The following PRKN variants were observed in gnomAD, a reference collection of about 807,000 sequenced individuals.
PRKN encodes the protein parkin RBR E3 ubiquitin protein ligase.
In PRKN, 56 loss-of-function variants were observed where a neutral mutation model predicts 59.5. The ratio of observed to expected loss-of-function variants is 0.94; its 90% CI spans 0.76 to 1.18. The LOEUF (loss-of-function observed/expected upper bound fraction) is 1.18. PRKN is among the 50% of genes most tolerant of loss of function. The pLI is 0.00. For missense variants in PRKN, 657 were observed against 596.4 expected (o/e 1.10, Z -1.06); for synonymous variants, 250 against 222.1 (o/e 1.13, Z -1.12).
chr6:162,652,536 T>C (rs1235674945), intron 1 of PRKN, among the ~76,000 whole-genome samples: 1 of 152,194 alleles, frequency 6.6e-6, no homozygotes, highest in African/African-American at 2.4e-5. Context: ...AGTTTAAATA[T>C]ACCTGAAGTC....
chr6:161,761,908 C>T (rs895872043), intron 7 of PRKN, among the ~76,000 whole-genome samples: 1 of 152,128 alleles, frequency 6.6e-6, no homozygotes, highest in Non-Finnish European at 1.5e-5. Context: ...GTAGTGATTC[C>T]AGAATGGAAC....
rs190669569 is a variant in PRKN at position 161,475,985 on chromosome 6, G to A, written c.1083+72869C>T. 9.8e-3 allele frequency among the ~76,000 whole-genome samples: 1,495 copies of A among 152,162 alleles called. 18 individuals carry two copies. Among genetic ancestry groups the A allele is most frequent in the East Asian group, 0.024 (125 of 5,160 alleles). On this transcript the variant is annotated intron_variant, in intron 9 of 11. Coordinates refer to ENST00000366898, the MANE Select transcript of PRKN (RefSeq NM_004562.3). The surrounding 1 kb of genome is among the most constrained non-coding windows in gnomAD (Gnocchi z 5.3). ...GCGGATCACGAGGTCAGGAGATGGA[G>A]ACCATCCTGGTTAACACGGTGAAAG... is the stretch of plus-strand genomic sequence containing the variant.
chr6:161,569,435 A>C lies in PRKN; in HGVS notation c.872-19T>G, dbSNP rs771040642. 1.2e-6 allele frequency: 2 copies of C among 1,607,168 alleles called. No individual in the cohort carries two copies. Among genetic ancestry groups the C allele is most frequent in the South Asian group, 2.2e-5 (2 of 90,906 alleles). ...CAGCCAGCTGTTGGAAAGAAGAATT[A>C]ATCACAAAAACGTCACTTTCACTCT... On this transcript the variant is annotated intron_variant, in intron 7 of 11. Coordinates refer to ENST00000366898, the MANE Select transcript of PRKN (RefSeq NM_004562.3).
At chr6:161,510,100 C>T (rs1433411081) in intron 9 of PRKN, among the ~76,000 whole-genome samples, 1 of 151,954 alleles carries the variant, frequency 6.6e-6, no homozygotes, top group Non-Finnish European at 1.5e-5. Context: ...ACATATGCAT[C>T]GTTGAGAGGC....
In PRKN at chr6:161,397,341, T is replaced by C. The variant is rs560184340; in HGVS notation, c.1084-10464A>G. Among the ~76,000 whole-genome samples, 46 of 152,320 alleles carry C rather than the reference T, an allele frequency of 3.0e-4. No homozygotes were observed. The highest frequency in any genetic ancestry group is 3.4e-3 in the Middle Eastern group (1 of 294). On this transcript the variant is annotated intron_variant, in intron 9 of 11. Coordinates refer to ENST00000366898, the MANE Select transcript of PRKN (RefSeq NM_004562.3). This position sits in a 1 kb window ranked among gnomAD's most constrained non-coding sequence, Gnocchi z 4.2. ...TACTCCATGATACAATGCACAATCATGGGTTGAATTGAGTATTCTTGTGTA... is the reference window on the plus strand; with the variant it reads ...TACTCCATGATACAATGCACAATCACGGGTTGAATTGAGTATTCTTGTGTA...
chr6:162,264,634 C>T (rs1480975170), intron 2 of PRKN: 1 of 152,600 alleles, frequency 6.6e-6, no homozygotes, highest in African/African-American at 2.4e-5. Context: ...GGCCCTGTGC[C>T]CCTCCCCATT....
At chr6:161,760,015 C>T (rs959253739) in intron 7 of PRKN, among the ~76,000 whole-genome samples, 1 of 151,270 alleles carries the variant, frequency 6.6e-6, no homozygotes, top group Non-Finnish European at 1.5e-5. Flanking sequence ...ACTTCTCAAT[C>T]AAATGGCCTT....
intron 2 of PRKN, among the ~76,000 whole-genome samples, chr6:162,328,344 AAC>A (rs1461031680): frequency 1.3e-5 from 2 of 152,140 alleles, no homozygotes; most frequent in African/African-American, 4.8e-5. Flanking sequence ...GCAGCCTGGC[AAC>A]AGAGTGAGAT....
chr6:162,406,510 T>C (rs1788081931), intron 2 of PRKN, among the ~76,000 whole-genome samples: 1 of 152,212 alleles, frequency 6.6e-6, no homozygotes, highest in South Asian at 2.1e-4. Context: ...CCTCTCTGTT[T>C]CAATGTATCT....
At chr6:162,184,686 C>T (rs988404930) in intron 4 of PRKN, among the ~76,000 whole-genome samples, 6 of 152,134 alleles carry the variant, frequency 3.9e-5, no homozygotes, top group African/African-American at 1.4e-4. Flanking sequence ...GGTATTTCTT[C>T]ATAGCAGCGT....
At chr6:162,336,559 T>C (rs1783855198) in intron 2 of PRKN, among the ~76,000 whole-genome samples, 1 of 152,244 alleles carries the variant, frequency 6.6e-6, no homozygotes, top group African/African-American at 2.4e-5. Context: ...AAATGATTGA[T>C]GCCTGCCATC....
intron 5 of PRKN, among the ~76,000 whole-genome samples, chr6:161,976,819 T>C (rs1203576967): frequency 2.0e-5 from 3 of 152,208 alleles, no homozygotes; most frequent in Non-Finnish European, 4.4e-5. Flanking sequence ...GATAAATAGA[T>C]AGAAAGCACT....
chr6:162,725,340 T>G (rs909265847), intron 1 of PRKN, among the ~76,000 whole-genome samples: 1 of 152,206 alleles, frequency 6.6e-6, no homozygotes, highest in Non-Finnish European at 1.5e-5. Context: ...TGGCTCTGAA[T>G]TTTTGTCACA....
rs183643930 is a variant in PRKN at position 162,056,880 on chromosome 6, C to A, written c.535-2706G>T. Among the ~76,000 whole-genome samples the A allele has an allele frequency of 5.1e-3, 770 of 152,306 alleles. 5 individuals are homozygous for A. The highest frequency in any genetic ancestry group is 0.01 in the Middle Eastern group (3 of 294). On this transcript the variant is annotated intron_variant, in intron 4 of 11. Transcript: ENST00000366898. The surrounding 1 kb of genome is among the most constrained non-coding windows in gnomAD (Gnocchi z 4.9). Reference sequence around the variant, plus strand: ...CAACACTTCACACGCGTTGTCACAACTGAGTGCCTCTCGAGTGACCACTGG... The same window carrying A: ...CAACACTTCACACGCGTTGTCACAAATGAGTGCCTCTCGAGTGACCACTGG...
At chr6:162,666,812 C>G (rs920992956) in intron 1 of PRKN, among the ~76,000 whole-genome samples, 1 of 151,884 alleles carries the variant, frequency 6.6e-6, no homozygotes, top group Non-Finnish European at 1.5e-5. Context: ...GTATCTATAA[C>G]CTGCATATTA....
intron 5 of PRKN, among the ~76,000 whole-genome samples, chr6:162,024,438 C>A (rs974519368): frequency 6.6e-6 from 1 of 152,122 alleles, no homozygotes; most frequent in African/African-American, 2.4e-5. Flanking sequence ...TTCAGGTGAT[C>A]CACCGGCCTC....
Position 161,549,340 on chromosome 6 carries a change from T to C in PRKN, c.934-337A>G, listed in dbSNP as rs770907436. Reference sequence around the variant, plus strand: ...TGTATTTTAACAATCTTATTTCATATACATTTTGAGGAACATATTTATGTA... The same window carrying C: ...TGTATTTTAACAATCTTATTTCATACACATTTTGAGGAACATATTTATGTA... On this transcript the variant is annotated intron_variant, in intron 8 of 11. Coordinates refer to ENST00000366898, the MANE Select transcript of PRKN (RefSeq NM_004562.3). The surrounding 1 kb of genome is among the most constrained non-coding windows in gnomAD (Gnocchi z 6.0). 2.0e-5 allele frequency among the ~76,000 whole-genome samples: 3 copies of C among 152,234 alleles called. No homozygotes were observed. The highest frequency in any genetic ancestry group is 7.2e-5 in the African/African-American group (3 of 41,462).
At chr6:161,811,016 T>C (rs1461876343) in intron 6 of PRKN, among the ~76,000 whole-genome samples, 1 of 152,172 alleles carries the variant, frequency 6.6e-6, no homozygotes, top group African/African-American at 2.4e-5. Flanking sequence ...AAAATAGTAA[T>C]TCTCAAAATG....
intron 2 of PRKN, among the ~76,000 whole-genome samples, chr6:162,384,213 G>T (rs760408573): frequency 3.8e-4 from 57 of 151,758 alleles, no homozygotes; most frequent in Non-Finnish European, 2.6e-4. Context: ...ACCTGTCTCA[G>T]TTTTGGACAT....
Sources: gnomAD v4.1 joint callset for allele counts (sites outside exome capture counted in the v4.1 genomes callset) on GRCh38, gnomAD v4.1.1 for gene constraint, Gnocchi (gnomAD v3.1) non-coding constraint, MANE v1.5 for transcripts, NCBI Gene and HGNC (gene_info 2026-07-23, HGNC 2026-07-21) for gene names.